PTPRO: variants seen among roughly 807,000 people sequenced by gnomAD.
The protein encoded by PTPRO is protein tyrosine phosphatase receptor type O.
PTPRO carries 62 observed loss-of-function variants against 145.2 expected under a neutral mutation model. The ratio of observed to expected loss-of-function variants is 0.43; its 90% confidence interval spans 0.35 to 0.53. The LOEUF is 0.53. PTPRO is among the 20% of genes least tolerant of loss of function. The pLI is 0.01. For missense variants in PTPRO, 1,345 were observed against 1,482.7 expected (o/e 0.91, Z 1.53); for synonymous variants, 565 against 514.7 (o/e 1.10, Z -1.32).
chr12:15,552,801 T>TTTC (rs1449886660), intron 15 of PTPRO, among the ~76,000 whole-genome samples: 2 of 138,184 alleles, frequency 1.4e-5, no homozygotes, highest in African/African-American at 5.4e-5. Flanking sequence ...AAATCTTTTT[T>TTTC]TTTTTTTTTT....
intron 1 of PTPRO, among the ~76,000 whole-genome samples, chr12:15,381,231 C>A (rs1938852288): frequency 6.6e-6 from 1 of 151,970 alleles, no homozygotes; most frequent in Non-Finnish European, 1.5e-5. Context: ...AAAGTTTATT[C>A]TTCAGTTTTT....
chr12:15,567,308 C>A (rs1293719119), intron 18 of PTPRO, among the ~76,000 whole-genome samples: 1 of 152,112 alleles, frequency 6.6e-6, no homozygotes, highest in Admixed American at 6.5e-5. Context: ...AATGCCCCAC[C>A]ACTACCATAT....
chr12:15,390,586 G>T (rs1275540915), intron 1 of PTPRO, among the ~76,000 whole-genome samples: 1 of 152,106 alleles, frequency 6.6e-6, no homozygotes, highest in African/African-American at 2.4e-5. Context: ...GATTTGGGTG[G>T]AGACACAGCC....
chr12:15,403,457 C>T (rs1321103171), intron 1 of PTPRO, among the ~76,000 whole-genome samples: 1 of 152,140 alleles, frequency 6.6e-6, no homozygotes, highest in Non-Finnish European at 1.5e-5. Context: ...GTGGCACACA[C>T]CTGTAGTCCC....
At chr12:15,545,253 C>G (rs2135546677) in intron 12 of PTPRO, among the ~76,000 whole-genome samples, 1 of 151,812 alleles carries the variant, frequency 6.6e-6, no homozygotes, top group South Asian at 2.1e-4. Flanking sequence ...AAGTAACAAG[C>G]AGGAAGAAAC....
chr12:15,570,686 A>G (rs758520484), intron 19 of PTPRO, among the ~76,000 whole-genome samples: 2 of 152,224 alleles, frequency 1.3e-5, no homozygotes, highest in African/African-American at 2.4e-5. Context: ...TTCAGAAAGT[A>G]TATCAAGGAA....
intron 17 of PTPRO, among the ~76,000 whole-genome samples, chr12:15,560,775 G>A (rs11831354): frequency 0.056 from 8,483 of 151,866 alleles, 766 homozygotes; most frequent in African/African-American, 0.19. Flanking sequence ...ATTTTCCCCC[G>A]CAATCCTGCA....
chr12:15,526,138 G>T lies in PTPRO; in HGVS notation c.2044-4G>T, dbSNP rs1942832718. ...TTAAACCCTTGATTTTGATGATCTT[G>T]CAGGTAACACGCAATGTCATGACTG... On this transcript the variant is annotated splice_region_variant and splice_polypyrimidine_tract_variant and intron_variant, in intron 11 of 26. Coordinates refer to ENST00000281171, the MANE Select transcript of PTPRO (RefSeq NM_030667.3). 1.2e-6 allele frequency: 2 copies of T among 1,613,816 alleles called. No individual in the cohort carries two copies. Among genetic ancestry groups the T allele is most frequent in the Non-Finnish European group, 1.7e-6 (2 of 1,179,910 alleles).
intron 1 of PTPRO, among the ~76,000 whole-genome samples, chr12:15,403,316 C>G (rs1939551531): frequency 6.6e-6 from 1 of 152,176 alleles, no homozygotes; most frequent in African/African-American, 2.4e-5. Context: ...GGTGCGATGG[C>G]TCACACCTGT....
rs189272309 is a variant in PTPRO at position 15,332,094 on chromosome 12, T to C, written c.75+9293T>C. Among the ~76,000 whole-genome samples, 23 of 151,996 alleles carry C rather than the reference T, an allele frequency of 1.5e-4. No homozygotes were observed. The East Asian group carries it at 4.2e-3, about 28-fold the overall frequency. ...AATTCTCCTGCCTCAGCCTCCCAAGTGGCTGCGATTACAGGCATGCACCAG... is the reference window on the plus strand; with the variant it reads ...AATTCTCCTGCCTCAGCCTCCCAAGCGGCTGCGATTACAGGCATGCACCAG... On this transcript the variant is annotated intron_variant, in intron 1 of 26. Transcript: ENST00000281171.
intron 1 of PTPRO, among the ~76,000 whole-genome samples, chr12:15,442,716 C>T (rs1940802388): frequency 6.6e-6 from 1 of 151,664 alleles, no homozygotes; most frequent in Admixed American, 6.6e-5. Flanking sequence ...AGCTGAGGGC[C>T]AAAACAAAAA....
rs749362394 is a variant in PTPRO, at chr12:15,516,758, T to C, written c.1586-5T>C. 6.2e-7 allele frequency: 1 copy of C among 1,600,214 alleles called. No individual in the cohort carries two copies. The highest frequency in any genetic ancestry group is 1.1e-5 in the South Asian group (1 of 90,806). On this transcript the variant is annotated splice_region_variant and splice_polypyrimidine_tract_variant and intron_variant, in intron 8 of 26. Coordinates refer to ENST00000281171, the MANE Select transcript of PTPRO (RefSeq NM_030667.3). ...TTTTTCTACCCCCTGCCCTCTTCTT[T>C]CTAGTTCCCACAGGAATAAAGGATT... is the stretch of plus-strand genomic sequence containing the variant.
At chr12:15,458,495 C>T (rs1033762596) in intron 1 of PTPRO, among the ~76,000 whole-genome samples, 1 of 151,830 alleles carries the variant, frequency 6.6e-6, no homozygotes, top group African/African-American at 2.4e-5. Flanking sequence ...TGATGGTGCC[C>T]TATAAGTCCC....
chr12:15,340,472 G>A (rs951594851), intron 1 of PTPRO, among the ~76,000 whole-genome samples: 15 of 152,088 alleles, frequency 9.9e-5, no homozygotes, highest in African/African-American at 3.4e-4. Context: ...TCATTCTTGC[G>A]GTTTCTTTTT....
In PTPRO at chr12:15,496,309, A is replaced by T. The variant is rs952627550; in HGVS notation, c.350-936A>T. ...AGGCGTGTGTCACCACACCTGGCTA[A>T]TTTTCTATTTTTAGTAGAGACAGGG... is the stretch of plus-strand genomic sequence containing the variant. On this transcript the variant is annotated intron_variant, in intron 2 of 26. Coordinates refer to ENST00000281171, the MANE Select transcript of PTPRO (RefSeq NM_030667.3). 2.0e-5 allele frequency among the ~76,000 whole-genome samples: 3 copies of T among 151,604 alleles called. No individual in the cohort carries two copies. In the East Asian group the frequency reaches 5.8e-4, roughly 29 times the overall value.
intron 15 of PTPRO, among the ~76,000 whole-genome samples, chr12:15,552,577 T>C (rs938780940): frequency 1.3e-5 from 2 of 152,080 alleles, no homozygotes; most frequent in Non-Finnish European, 2.9e-5. Flanking sequence ...ACTGGATATA[T>C]GAATAGATAG....
At chr12:15,428,348 C>G (rs573364801) in intron 1 of PTPRO, among the ~76,000 whole-genome samples, 1 of 152,118 alleles carries the variant, frequency 6.6e-6, no homozygotes, top group East Asian at 1.9e-4. Flanking sequence ...AAAAGCAAGG[C>G]AAAGCATAGA....
intron 12 of PTPRO, among the ~76,000 whole-genome samples, chr12:15,536,580 G>A (rs1323971994): frequency 6.6e-6 from 1 of 152,158 alleles, no homozygotes; most frequent in East Asian, 1.9e-4. Context: ...TCCTGTGAGT[G>A]AGATGATTCT....
intron 1 of PTPRO, among the ~76,000 whole-genome samples, chr12:15,328,019 C>G (rs1866495545): frequency 6.6e-6 from 1 of 151,584 alleles, no homozygotes; most frequent in African/African-American, 2.4e-5. Context: ...GAGGCTGAGG[C>G]AGGAGAATCG....
Sources: gnomAD v4.1 joint callset for allele counts (sites outside exome capture counted in the v4.1 genomes callset) on GRCh38, gnomAD v4.1.1 for gene constraint, MANE v1.5 for transcripts, NCBI Gene and HGNC (gene_info 2026-07-23, HGNC 2026-07-21) for gene names.